The following NRXN3 variants were observed in gnomAD, a reference collection of about 807,000 sequenced individuals.
NRXN3 encodes neurexin 3.
Under a neutral mutation model 137.6 loss-of-function variants are expected in NRXN3, and 32 were observed. That is an observed-to-expected ratio of 0.23 (90% CI 0.18 to 0.31). NRXN3 has a LOEUF of 0.31. Ranked by LOEUF, NRXN3 falls within the 10% of genes least tolerant of loss-of-function variation. The pLI, the probability that NRXN3 is intolerant of heterozygous loss-of-function variation, is 1.00. For synonymous variants in NRXN3, 798 were observed against 784.5 expected, an observed-to-expected ratio of 1.02 and a Z score of -0.29; for missense variants, 1,574 against 2,062.5, an observed-to-expected ratio of 0.76 and a Z score of 4.59.
At chr14:79,644,045 G>A (rs2098443798) in intron 16 of NRXN3, among the ~76,000 whole-genome samples, 1 of 135,536 alleles carries the variant, frequency 7.4e-6, no homozygotes, top group Non-Finnish European at 1.7e-5. Flanking sequence ...TCTATTGATT[G>A]ATGGTGCAAT....
At chr14:79,145,544 C>T (rs575425481) in intron 15 of NRXN3, among the ~76,000 whole-genome samples, 8 of 152,084 alleles carry the variant, frequency 5.3e-5, no homozygotes, top group Admixed American at 3.3e-4. Flanking sequence ...TACACAGATA[C>T]ATTTATATAA....
chr14:78,544,718 C>T (rs1168398368), intron 4 of NRXN3, among the ~76,000 whole-genome samples: 2 of 152,198 alleles, frequency 1.3e-5, no homozygotes, highest in Non-Finnish European at 2.9e-5. Context: ...CAACACATTA[C>T]TGGAAAAGAA....
chr14:79,125,099 G>C (rs925778935), intron 15 of NRXN3, among the ~76,000 whole-genome samples: 3 of 151,162 alleles, frequency 2.0e-5, no homozygotes, highest in Non-Finnish European at 3.0e-5. Flanking sequence ...AATTATTTAC[G>C]TACTTAAACT....
chr14:78,552,804 A>G (rs2096705404), intron 4 of NRXN3, among the ~76,000 whole-genome samples: 1 of 152,232 alleles, frequency 6.6e-6, no homozygotes. Context: ...TAAGGTGACT[A>G]TAGCCTATAA....
At chr14:78,427,923 C>A (rs371457714) in intron 4 of NRXN3, among the ~76,000 whole-genome samples, 1 of 152,198 alleles carries the variant, frequency 6.6e-6, no homozygotes, top group Admixed American at 6.5e-5. Context: ...GGGGATGTTA[C>A]CAATTCTTTA....
intron 15 of NRXN3, among the ~76,000 whole-genome samples, chr14:79,163,270 T>C (rs2060974993): frequency 6.6e-6 from 1 of 151,980 alleles, no homozygotes; most frequent in African/African-American, 2.4e-5. Context: ...TCATTGATTC[T>C]CTGCTCTGTG....
intron 4 of NRXN3, among the ~76,000 whole-genome samples, chr14:78,443,640 A>G (rs1453375364): frequency 6.6e-6 from 1 of 152,244 alleles, no homozygotes; most frequent in African/African-American, 2.4e-5. Context: ...ACATAGGTTC[A>G]TATTCAACTC....
At chr14:78,525,430 GC>G (rs2096363081) in intron 4 of NRXN3, among the ~76,000 whole-genome samples, 2 of 152,108 alleles carry the variant, frequency 1.3e-5, no homozygotes, top group African/African-American at 4.8e-5. Context: ...CTTGACTATT[GC>G]TTTTATTTGC....
chr14:79,733,588 G>A (rs1014416590), intron 19 of NRXN3, among the ~76,000 whole-genome samples: 17 of 152,030 alleles, frequency 1.1e-4, no homozygotes, highest in Non-Finnish European at 2.4e-4. Context: ...TCAAACTGCA[G>A]GAAAATGCTG....
At chr14:79,403,521 A>G (rs1431767703) in intron 15 of NRXN3, among the ~76,000 whole-genome samples, 1 of 152,130 alleles carries the variant, frequency 6.6e-6, no homozygotes, top group Non-Finnish European at 1.5e-5. Context: ...TTCTGCTTCT[A>G]TTTCAAAATA....
intron 19 of NRXN3, among the ~76,000 whole-genome samples, chr14:79,742,396 G>A (rs2154080954): frequency 6.6e-6 from 1 of 152,174 alleles, no homozygotes; most frequent in South Asian, 2.1e-4. Context: ...TACTGAATGA[G>A]GTAAGATGTG....
chr14:79,355,203 A>T (rs1438478011), intron 15 of NRXN3, among the ~76,000 whole-genome samples: 1 of 151,808 alleles, frequency 6.6e-6, no homozygotes, highest in Non-Finnish European at 1.5e-5. Context: ...GCTGTGCCAT[A>T]TTGGTAGATG....
chr14:78,550,443 C>T (rs577572906), intron 4 of NRXN3, among the ~76,000 whole-genome samples: 36 of 152,096 alleles, frequency 2.4e-4, no homozygotes, highest in Admixed American at 2.2e-3. Flanking sequence ...AAAGTGACTA[C>T]CTCCTAAAAT....
intron 1 of NRXN3, among the ~76,000 whole-genome samples, chr14:78,189,635 G>GGAGT (rs1245905834): frequency 2.0e-5 from 3 of 151,950 alleles, no homozygotes; most frequent in African/African-American, 7.3e-5. Context: ...CGCCCAGGCT[G>GGAGT]GAGTGCAGTG....
At chr14:78,828,220 G>A (rs1222691552) in intron 10 of NRXN3, among the ~76,000 whole-genome samples, 12 of 152,176 alleles carry the variant, frequency 7.9e-5, no homozygotes, top group African/African-American at 2.9e-4. Context: ...TTACGTGTTT[G>A]GAAGGCAGTC....
intron 15 of NRXN3, among the ~76,000 whole-genome samples, chr14:79,443,532 G>A (rs906302705): frequency 3.3e-5 from 5 of 152,152 alleles, no homozygotes; most frequent in Non-Finnish European, 7.4e-5. Context: ...GAAAATGAGA[G>A]AGAATAGAGA....
intron 4 of NRXN3, among the ~76,000 whole-genome samples, chr14:78,522,266 C>T (rs1247262908): frequency 1.3e-5 from 2 of 152,100 alleles, no homozygotes; most frequent in African/African-American, 4.8e-5. Context: ...GATGAGAAAA[C>T]TGAAAATCAA....
intron 10 of NRXN3, among the ~76,000 whole-genome samples, chr14:78,912,083 A>C: frequency 6.7e-6 from 1 of 149,492 alleles, no homozygotes; most frequent in African/African-American, 2.5e-5. Flanking sequence ...CCCCCATCCC[A>C]CAACAGTCCC....
chr14:78,868,562 G>A (rs2099093210), intron 10 of NRXN3, among the ~76,000 whole-genome samples: 2 of 152,156 alleles, frequency 1.3e-5, no homozygotes, highest in Non-Finnish European at 2.9e-5. Flanking sequence ...GCTCACGTCT[G>A]TAATCTCAGC....
Sources: gnomAD v4.1 joint callset for allele counts (sites outside exome capture counted in the v4.1 genomes callset) on GRCh38, gnomAD v4.1.1 for gene constraint, MANE v1.5 for transcripts, NCBI Gene and HGNC (gene_info 2026-07-23, HGNC 2026-07-21) for gene names.